Variants in EDARADD observed in about 807,000 individuals in gnomAD.
EDARADD encodes the protein EDAR associated via death domain.
In EDARADD, 20 loss-of-function variants were observed where a neutral mutation model predicts 25.6. The observed-to-expected ratio is 0.78, with a 90% CI of 0.55 to 1.14. EDARADD has a LOEUF of 1.14. Ranked by LOEUF, EDARADD falls within the 50% of genes most tolerant of loss-of-function variation. The pLI is 0.00. For synonymous variants in EDARADD, 86 were observed against 94.4 expected (o/e 0.91, Z 0.52); for missense variants, 225 against 270.1 (o/e 0.83, Z 1.17).
At chr1:236,438,905 C>A (rs1269793067) in intron 4 of EDARADD, among the ~76,000 whole-genome samples, 7 of 152,172 alleles carry the variant, frequency 4.6e-5, no homozygotes, top group Non-Finnish European at 4.4e-5. Flanking sequence ...GTTGTACATT[C>A]TATAGGTTTG....
Position 236,395,725 on chromosome 1 carries a change from G to T in EDARADD, c.61+1220G>T. ...ACCGCGGGGCGGGAGCTCGGGAGGC[G>T]CTCGCAGCAGCCGCAGGGCTATCGA... On this transcript the variant is annotated intron_variant, in intron 1 of 5. Coordinates refer to ENST00000334232, the MANE Select transcript of EDARADD (RefSeq NM_145861.4). The surrounding 1 kb of genome is among the most constrained non-coding windows in gnomAD (Gnocchi z 6.9). The T allele has an allele frequency of 2.6e-6, 4 of 1,521,152 alleles. No individual in the cohort carries two copies. Among genetic ancestry groups the T allele is most frequent in the Non-Finnish European group, 3.5e-6 (4 of 1,140,338 alleles). 94.2% of individuals were successfully genotyped at this position (1,521,152 alleles called of 1,614,324 possible). A position where few individuals can be genotyped will look rare whatever the true frequency, so the allele number is the denominator to read the frequency against.
Position 236,427,425 on chromosome 1 carries a change from C to T in EDARADD, c.194C>T (p.Pro65Leu). 6.2e-7 allele frequency: 1 copy of T among 1,611,808 alleles called. No individual in the cohort carries two copies. Among genetic ancestry groups the T allele is most frequent in the Non-Finnish European group, 8.5e-7 (1 of 1,179,266 alleles). ...TGTGATACAATTACTTTGAACTGCCCACGAAATTCAGATATGAAAAATCAG... is the reference window on the plus strand; with the variant it reads ...TGTGATACAATTACTTTGAACTGCCTACGAAATTCAGATATGAAAAATCAG... Reference protein sequence around the residue: ...EECDTITLNCPRNSDMKNQGE... With the variant: ...EECDTITLNCLRNSDMKNQGE... The change falls in exon 4 of 6, where the codon CCA (proline) becomes CTA (leucine). Residue 65 changes from proline (P) to leucine (L), a missense_variant. Physicochemically the swap from Pro to Leu is moderately conservative, Grantham distance 98. Coordinates refer to ENST00000334232, the MANE Select transcript of EDARADD (RefSeq NM_145861.4).
chr1:236,383,070 A>T (rs910589633), intron 3 of EDARADD, among the ~76,000 whole-genome samples: 2 of 152,072 alleles, frequency 1.3e-5, no homozygotes, highest in African/African-American at 4.8e-5. Flanking sequence ...TCTCTGTCTG[A>T]GTGTCCTTTC....
chr1:236,349,610 A>T (rs1413437044), intron 2 of EDARADD, among the ~76,000 whole-genome samples: 2 of 152,228 alleles, frequency 1.3e-5, no homozygotes, highest in Admixed American at 6.5e-5. Flanking sequence ...GGTTGAATTT[A>T]TCCTGGAATC....
chr1:236,453,378 G>A (rs142788952), intron 4 of EDARADD, among the ~76,000 whole-genome samples: 2 of 150,516 alleles, frequency 1.3e-5, no homozygotes, highest in East Asian at 3.9e-4. Context: ...CCAGGTTCAA[G>A]TGATTCTCCT....
At chr1:236,479,541 C>T (rs1438478200) in intron 5 of EDARADD, among the ~76,000 whole-genome samples, 1 of 151,936 alleles carries the variant, frequency 6.6e-6, no homozygotes, top group Non-Finnish European at 1.5e-5. Flanking sequence ...TTAAGAATAC[C>T]TGGGCTTCTC....
At chr1:236,461,492 C>A (rs188069453) in intron 4 of EDARADD, among the ~76,000 whole-genome samples, 2 of 152,288 alleles carry the variant, frequency 1.3e-5, no homozygotes, top group East Asian at 3.9e-4. Context: ...GTTCTCTATT[C>A]TGTCCCATTG....
At chr1:236,365,000 A>G (rs942549845) in intron 3 of EDARADD, among the ~76,000 whole-genome samples, 8 of 152,158 alleles carry the variant, frequency 5.3e-5, no homozygotes, top group African/African-American at 9.7e-5. Flanking sequence ...ACCACTGAGT[A>G]TAATGTTAGA....
In EDARADD at chr1:236,395,631, T is replaced by C; in HGVS notation, c.61+1126T>C. On this transcript the variant is annotated intron_variant, in intron 1 of 5. Transcript: ENST00000334232. This position sits in a 1 kb window ranked among gnomAD's most constrained non-coding sequence, Gnocchi z 6.9. ...CTCGTTTGCCCCTAACCCGCCGCCA[T>C]GGCTTCACCGGACGACCCTCTGCGC... 1 of 1,573,742 alleles carries C rather than the reference T, an allele frequency of 6.4e-7. No homozygotes were observed. The highest frequency in any genetic ancestry group is 8.6e-7 in the Non-Finnish European group (1 of 1,162,024).
At chr1:236,466,895 T>C (rs900211155) in intron 4 of EDARADD, among the ~76,000 whole-genome samples, 14 of 152,104 alleles carry the variant, frequency 9.2e-5, no homozygotes, top group South Asian at 4.2e-4. Flanking sequence ...GGTGAAACCC[T>C]GTCTCTGCTA....
intron 4 of EDARADD, among the ~76,000 whole-genome samples, chr1:236,439,149 A>T (rs1311852772): frequency 6.6e-6 from 1 of 152,306 alleles, no homozygotes; most frequent in Admixed American, 6.5e-5. Context: ...ATATGAATTT[A>T]AGTTTTCTTG....
intron 4 of EDARADD, among the ~76,000 whole-genome samples, chr1:236,457,995 G>A (rs1043656231): frequency 6.6e-6 from 1 of 152,178 alleles, no homozygotes; most frequent in African/African-American, 2.4e-5. Context: ...TTACCATGCA[G>A]TGCTCTGCTG....
chr1:236,360,245 A>T (rs1441576392), intron 3 of EDARADD, among the ~76,000 whole-genome samples: 1 of 152,108 alleles, frequency 6.6e-6, no homozygotes, highest in Non-Finnish European at 1.5e-5. Context: ...AATTGAGCTC[A>T]GGAGGTCAAG....
At chr1:236,429,026 C>G (rs977182346) in intron 4 of EDARADD, among the ~76,000 whole-genome samples, 8 of 152,256 alleles carry the variant, frequency 5.3e-5, no homozygotes, top group African/African-American at 1.7e-4. Context: ...ATCCCAGGCA[C>G]TCGGCAGGCT....
At chr1:236,425,264 C>T (rs1350282992) in intron 3 of EDARADD, among the ~76,000 whole-genome samples, 6 of 152,192 alleles carry the variant, frequency 3.9e-5, no homozygotes, top group East Asian at 1.9e-4. Flanking sequence ...TGCTTTTTCC[C>T]GTTTTCTTTC....
intron 3 of EDARADD, among the ~76,000 whole-genome samples, chr1:236,373,191 A>G (rs1422270876): frequency 6.6e-6 from 1 of 150,660 alleles, no homozygotes; most frequent in Non-Finnish European, 1.5e-5. Context: ...CTGGGATTAC[A>G]GGCGTGAGCC....
At chr1:236,385,111 T>G (rs1231284900) in intron 3 of EDARADD, among the ~76,000 whole-genome samples, 3 of 148,184 alleles carry the variant, frequency 2.0e-5, no homozygotes, top group Non-Finnish European at 4.5e-5. Flanking sequence ...TTTTTTGCCT[T>G]AAGAAAGCTC....
At chr1:236,471,581 T>TA (rs1250458444) in intron 5 of EDARADD, among the ~76,000 whole-genome samples, 1 of 152,136 alleles carries the variant, frequency 6.6e-6, no homozygotes, top group Non-Finnish European at 1.5e-5. Context: ...TGACCATGTA[T>TA]AACCACCTGG....
intron 4 of EDARADD, among the ~76,000 whole-genome samples, chr1:236,456,986 A>G (rs1036462015): frequency 6.6e-6 from 1 of 152,158 alleles, no homozygotes; most frequent in Non-Finnish European, 1.5e-5. Flanking sequence ...CTGGAAAAAA[A>G]TCATGAAATG....
Sources: gnomAD v4.1 joint callset for allele counts (sites outside exome capture counted in the v4.1 genomes callset) on GRCh38, gnomAD v4.1.1 for gene constraint, Gnocchi (gnomAD v3.1) non-coding constraint, MANE v1.5 for transcripts, NCBI Gene and HGNC (gene_info 2026-07-23, HGNC 2026-07-21) for gene names.